CBFA2T3: variants seen among roughly 807,000 people sequenced by gnomAD.
The protein encoded by CBFA2T3 is transcriptional corepressor CBFA2T3.
In CBFA2T3, 31 loss-of-function variants were observed where a neutral mutation model predicts 58.6. The observed-to-expected ratio is 0.53, with a 90% CI of 0.40 to 0.71. The LOEUF (loss-of-function observed/expected upper bound fraction) is 0.71. Among genes scored for constraint, CBFA2T3 ranks in the 30% least tolerant of loss-of-function variants. The pLI is 0.00. For missense variants in CBFA2T3, 1,076 were observed against 963.1 expected (o/e 1.12, Z -1.55); for synonymous variants, 531 against 421.9 (o/e 1.26, Z -3.17).
intron 3 of CBFA2T3, among the ~76,000 whole-genome samples, chr16:88,896,098 C>G (rs565746287): frequency 6.6e-6 from 1 of 152,188 alleles, no homozygotes; most frequent in Admixed American, 6.5e-5. Context: ...TTTTATGGGT[C>G]GGGTGTTGTG....
At chr16:88,970,426 C>T (rs1013898698) in intron 1 of CBFA2T3, among the ~76,000 whole-genome samples, 4 of 152,216 alleles carry the variant, frequency 2.6e-5, no homozygotes, top group African/African-American at 7.2e-5. Flanking sequence ...TGCCTTGCCT[C>T]TGGGAGGGTC....
intron 11 of CBFA2T3, among the ~76,000 whole-genome samples, chr16:88,878,271 G>T (rs1381375561): frequency 6.6e-6 from 1 of 152,258 alleles, no homozygotes; most frequent in Admixed American, 6.5e-5. Context: ...TTGTGCCTGT[G>T]GTGGTCTAGC....
intron 7 of CBFA2T3, chr16:88,883,976 G>C (rs1969246452): frequency 6.6e-6 from 1 of 152,226 alleles, no homozygotes; most frequent in Non-Finnish European, 1.5e-5. Flanking sequence ...ACCTGAAATG[G>C]CTCCCCCAAA....
At chr16:88,923,679 C>T (rs759805048) in intron 1 of CBFA2T3, among the ~76,000 whole-genome samples, 8 of 152,220 alleles carry the variant, frequency 5.3e-5, no homozygotes, top group Non-Finnish European at 1.0e-4. Flanking sequence ...GCGCATCCTC[C>T]GCAACCCGGC....
chr16:88,975,069 C>T (rs865962747), intron 1 of CBFA2T3, among the ~76,000 whole-genome samples: 1 of 124,530 alleles, frequency 8.0e-6, no homozygotes. Context: ...TAAGCAGGGG[C>T]TCCCTGGGGG....
rs763366195 is a variant in CBFA2T3 at position 88,885,280 on chromosome 16, G to A, written c.894-11C>T. 6.6e-6 allele frequency: 10 copies of A among 1,520,092 alleles called. No homozygotes were observed. The highest frequency in any genetic ancestry group is 1.4e-5 in the African/African-American group (1 of 72,160). 94.2% of individuals were successfully genotyped at this position (1,520,092 alleles called of 1,614,324 possible). A position where few individuals can be genotyped will look rare whatever the true frequency, so the allele number is the denominator to read the frequency against. ...CCGTTCTCTTTGGTCCTAGCCCCAA[G>A]AGCAGGTGGGGCGAGGGCAGTGGAC... is the stretch of plus-strand genomic sequence containing the variant. On this transcript the variant is annotated splice_polypyrimidine_tract_variant and intron_variant, in intron 6 of 11. Coordinates refer to ENST00000268679, the MANE Select transcript of CBFA2T3 (RefSeq NM_005187.6). This position sits in a 1 kb window ranked among gnomAD's most constrained non-coding sequence, Gnocchi z 5.3.
At chr16:88,926,145 C>T (rs1050481889) in intron 1 of CBFA2T3, among the ~76,000 whole-genome samples, 13 of 152,190 alleles carry the variant, frequency 8.5e-5, no homozygotes, top group African/African-American at 2.7e-4. Flanking sequence ...GGCCAGTGAG[C>T]GAATTCCCAG....
At chr16:88,963,337 G>C (rs1281855589) in intron 1 of CBFA2T3, among the ~76,000 whole-genome samples, 1 of 131,752 alleles carries the variant, frequency 7.6e-6, no homozygotes, top group Non-Finnish European at 1.8e-5. Context: ...CTTCTGCCAG[G>C]CTTTTTTTTT....
chr16:88,900,113 C>T (rs1022787437), intron 2 of CBFA2T3, among the ~76,000 whole-genome samples: 1 of 152,048 alleles, frequency 6.6e-6, no homozygotes, highest in Non-Finnish European at 1.5e-5. Context: ...TCCCCCAGGA[C>T]CTGCAAAATC....
chr16:88,899,653 C>G (rs113111501), intron 2 of CBFA2T3, among the ~76,000 whole-genome samples: 3,567 of 152,302 alleles, frequency 0.023, 126 homozygotes, highest in African/African-American at 0.081. Context: ...CGGCACCTTC[C>G]AAGCAGAGGC....
At chr16:88,960,862 C>T (rs1478652248) in intron 1 of CBFA2T3, among the ~76,000 whole-genome samples, 1 of 152,182 alleles carries the variant, frequency 6.6e-6, no homozygotes, top group Non-Finnish European at 1.5e-5. Flanking sequence ...GGGAGGTCTG[C>T]CAGATTTTGG....
chr16:88,932,131 C>G (rs1397963535), intron 1 of CBFA2T3, among the ~76,000 whole-genome samples: 1 of 152,070 alleles, frequency 6.6e-6, no homozygotes, highest in Non-Finnish European at 1.5e-5. Flanking sequence ...GGGCTGCTGT[C>G]GTCGGGAAGA....
In CBFA2T3 at chr16:88,958,705, G is replaced by C. The variant is rs924993326; in HGVS notation, c.151+17952C>G. On this transcript the variant is annotated intron_variant, in intron 1 of 11. Coordinates refer to ENST00000268679, the MANE Select transcript of CBFA2T3 (RefSeq NM_005187.6). This position sits in a 1 kb window ranked among gnomAD's most constrained non-coding sequence, Gnocchi z 4.0. The stretch of plus-strand genomic sequence containing the variant: ...CCCAGGGCCGGGGGCTGGGGGCCTC[G>C]GTGTGGCCTTTGGAAGGAGATGAAC... Among the ~76,000 whole-genome samples the C allele has an allele frequency of 6.6e-6, 1 of 151,918 alleles. No homozygotes were observed. The highest frequency in any genetic ancestry group is 1.5e-5 in the Non-Finnish European group (1 of 67,948).
intron 3 of CBFA2T3, among the ~76,000 whole-genome samples, chr16:88,893,527 G>C (rs992716397): frequency 2.0e-5 from 3 of 152,348 alleles, no homozygotes; most frequent in Middle Eastern, 3.4e-3. Flanking sequence ...GGGCAGAGGA[G>C]CTGGGACACC....
chr16:88,903,664 GGGGGGGCGTTCCT>G (rs1567595440), intron 1 of CBFA2T3, among the ~76,000 whole-genome samples: 1 of 136,688 alleles, frequency 7.3e-6, no homozygotes, highest in African/African-American at 2.7e-5. Context: ...CCGGCTGGGG[GGGGGGGCGTTCCT>G]GGGGGGGCAT....
intron 3 of CBFA2T3, among the ~76,000 whole-genome samples, chr16:88,896,603 G>T (rs12448682): frequency 0.054 from 8,257 of 152,090 alleles, 433 homozygotes; most frequent in East Asian, 0.24. Flanking sequence ...CACACACCCC[G>T]TCAAGACTGA....
intron 1 of CBFA2T3, among the ~76,000 whole-genome samples, chr16:88,916,944 C>A (rs1052080239): frequency 6.6e-6 from 1 of 151,500 alleles, no homozygotes; most frequent in Non-Finnish European, 1.5e-5. Context: ...AGCACGGATT[C>A]TTTTAGAAAA....
At chr16:88,930,026 C>G (rs565641218) in intron 1 of CBFA2T3, among the ~76,000 whole-genome samples, 1 of 147,326 alleles carries the variant, frequency 6.8e-6, no homozygotes, top group African/African-American at 2.7e-5. Context: ...GCATCATCCA[C>G]GCAAAAGTCA....
At chr16:88,907,866 T>C (rs1237231298) in intron 1 of CBFA2T3, among the ~76,000 whole-genome samples, 1 of 152,244 alleles carries the variant, frequency 6.6e-6, no homozygotes, top group Non-Finnish European at 1.5e-5. Flanking sequence ...AGTGCGCCCC[T>C]CTCTGGGCAT....
Sources: allele counts gnomAD v4.1 joint callset (sites outside exome capture counted in the v4.1 genomes callset), GRCh38; gene constraint gnomAD v4.1.1; non-coding constraint Gnocchi (gnomAD v3.1); transcripts MANE v1.5; gene names NCBI Gene and HGNC (gene_info 2026-07-23, HGNC 2026-07-21).